Variants in CDKAL1 observed in about 807,000 individuals in gnomAD.
CDKAL1 encodes threonylcarbamoyladenosine tRNA methylthiotransferase.
In CDKAL1, 32 loss-of-function variants were observed where a neutral mutation model predicts 68.2. The observed-to-expected ratio is 0.47, with a 90% CI of 0.35 to 0.63. The LOEUF (loss-of-function observed/expected upper bound fraction) is 0.63. Ranked by LOEUF, CDKAL1 falls within the 30% of genes least tolerant of loss-of-function variation. CDKAL1 has a pLI of 0.00. For synonymous variants in CDKAL1, 234 were observed against 244.3 expected (o/e 0.96, Z 0.39); for missense variants, 606 against 696.7 (o/e 0.87, Z 1.47).
intron 9 of CDKAL1, among the ~76,000 whole-genome samples, chr6:20,899,591 C>T (rs1345031950): frequency 6.6e-6 from 1 of 152,128 alleles, no homozygotes; most frequent in Non-Finnish European, 1.5e-5. Context: ...CGCCTGTAAT[C>T]CCATAACTTT....
intron 13 of CDKAL1, among the ~76,000 whole-genome samples, chr6:21,170,665 G>C (rs1424651905): frequency 6.6e-6 from 1 of 151,940 alleles, no homozygotes; most frequent in Non-Finnish European, 1.5e-5. Context: ...TTCTTATTAA[G>C]TTTGGCATTA....
intron 9 of CDKAL1, among the ~76,000 whole-genome samples, chr6:20,891,384 C>G (rs1418219012): frequency 6.6e-6 from 1 of 152,128 alleles, no homozygotes; most frequent in Non-Finnish European, 1.5e-5. Flanking sequence ...GCAGCCTGTC[C>G]TTACTGTGAG....
chr6:20,777,628 C>T (rs984543328), intron 7 of CDKAL1, among the ~76,000 whole-genome samples: 9 of 152,016 alleles, frequency 5.9e-5, no homozygotes, highest in East Asian at 1.9e-4. Context: ...GAAAACAAAA[C>T]GGAAAAAAAC....
At chr6:21,054,899 C>T (rs1482722928) in intron 11 of CDKAL1, among the ~76,000 whole-genome samples, 1 of 142,904 alleles carries the variant, frequency 7.0e-6, no homozygotes, top group African/African-American at 2.6e-5. Context: ...TGTCACCTGC[C>T]CAAAAAAAAA....
chr6:20,965,642 G>A lies in CDKAL1; in HGVS notation c.909+10057G>A, dbSNP rs528587892. Among the ~76,000 whole-genome samples, 18 of 152,164 alleles carry A rather than the reference G, an allele frequency of 1.2e-4. No homozygotes were observed. The South Asian group carries it at 2.9e-3, about 25-fold the overall frequency. ...TTTTAGTATTCTAGTGTACACTTCC[G>A]TTTATATAGAAGAGCATTAGATATG... On this transcript the variant is annotated intron_variant, in intron 10 of 15. Transcript: ENST00000274695.
intron 15 of CDKAL1, among the ~76,000 whole-genome samples, chr6:21,219,875 T>C (rs981323850): frequency 4.6e-5 from 7 of 152,212 alleles, no homozygotes; most frequent in African/African-American, 1.7e-4. Context: ...AGATGAAGTT[T>C]AATACACCCA....
At chr6:20,603,036 G>A (rs9460530) in intron 4 of CDKAL1, among the ~76,000 whole-genome samples, 3,697 of 152,146 alleles carry the variant, frequency 0.024, 132 homozygotes, top group African/African-American at 0.078. Context: ...CACTGAGTTC[G>A]GAAACAAGGA....
chr6:21,105,025 T>G (rs1013184691), intron 12 of CDKAL1, among the ~76,000 whole-genome samples: 4 of 152,228 alleles, frequency 2.6e-5, no homozygotes, highest in African/African-American at 7.2e-5. Flanking sequence ...CATAATTTCC[T>G]TTCTAAAAAT....
intron 10 of CDKAL1, among the ~76,000 whole-genome samples, chr6:20,978,180 A>C (rs1256516594): frequency 6.6e-6 from 1 of 152,228 alleles, no homozygotes; most frequent in African/African-American, 2.4e-5. Flanking sequence ...CAGAATCCTA[A>C]AGGACATTCC....
chr6:21,044,324 T>C (rs574211828), intron 11 of CDKAL1, among the ~76,000 whole-genome samples: 1 of 152,198 alleles, frequency 6.6e-6, no homozygotes, highest in African/African-American at 2.4e-5. Context: ...TGATTCTGCT[T>C]TCTTGCCTCT....
rs70990059 is a variant in CDKAL1, at chr6:20,693,129, CAAAAAA to C, written c.371+43775_371+43780del. ...TGGGCAACAAAGCGAGACTCTGTCT[CAAAAAA>C]AAAAAAAAAAAAAAAAAAAAAAGAC... On this transcript the variant is annotated intron_variant, in intron 5 of 15. Coordinates refer to ENST00000274695, the MANE Select transcript of CDKAL1 (RefSeq NM_017774.3). Among the ~76,000 whole-genome samples, 3 of 67,620 alleles carry C rather than the reference CAAAAAA, an allele frequency of 4.4e-5. No homozygotes were observed. In the Admixed American group the frequency reaches 5.3e-4, roughly 12 times the overall value. The allele number at this position is 67,620 out of a possible 152,430, so 44.4% of individuals were successfully genotyped here. A position where few individuals can be genotyped will look rare whatever the true frequency, so the allele number is the denominator to read the frequency against.
rs146066109 is a variant in CDKAL1 at position 20,818,621 on chromosome 6, G to A, written c.639-27454G>A. 2.8e-3 allele frequency among the ~76,000 whole-genome samples: 426 copies of A among 151,768 alleles called. 1 individual carries two copies. Among genetic ancestry groups the A allele is most frequent in the African/African-American group, 9.2e-3 (381 of 41,456 alleles). ...CCAGTTGGGACATAACCTTTACAAG[G>A]CATCATTCATAATGAAAGAGTAGGT... On this transcript the variant is annotated intron_variant, in intron 8 of 15. Transcript: ENST00000274695.
At chr6:20,696,869 A>G (rs1330865021) in intron 5 of CDKAL1, among the ~76,000 whole-genome samples, 1 of 152,168 alleles carries the variant, frequency 6.6e-6, no homozygotes, top group Non-Finnish European at 1.5e-5. Context: ...AATGTTTTGT[A>G]TGACGTGTTC....
chr6:21,213,739 GTC>G (rs1440797674), intron 15 of CDKAL1, among the ~76,000 whole-genome samples: 1 of 152,128 alleles, frequency 6.6e-6, no homozygotes, highest in African/African-American at 2.4e-5. Flanking sequence ...TGCCTAACGA[GTC>G]TCCCTGTTTC....
At position 20,539,247 on chromosome 6, in the gene CDKAL1, T is replaced by C. The variant is rs1225963386; in HGVS notation, c.-6+3853T>C. On this transcript the variant is annotated intron_variant, in intron 2 of 15. Transcript: ENST00000274695. This position sits in a 1 kb window ranked among gnomAD's most constrained non-coding sequence, Gnocchi z 4.3. ...TAATTTGGCATACTCAGAATATCTATATCCATATATTGCCCGACTGTGTAG... is the reference window on the plus strand; with the variant it reads ...TAATTTGGCATACTCAGAATATCTACATCCATATATTGCCCGACTGTGTAG... 6.6e-6 allele frequency among the ~76,000 whole-genome samples: 1 copy of C among 152,222 alleles called. No individual in the cohort carries two copies. Among genetic ancestry groups the C allele is most frequent in the East Asian group, 1.9e-4 (1 of 5,204 alleles).
At chr6:20,670,141 A>G (rs1171656862) in intron 5 of CDKAL1, among the ~76,000 whole-genome samples, 1 of 152,180 alleles carries the variant, frequency 6.6e-6, no homozygotes, top group Non-Finnish European at 1.5e-5. Flanking sequence ...TTAATCATAT[A>G]CAGTGGTTTC....
intron 13 of CDKAL1, among the ~76,000 whole-genome samples, chr6:21,136,995 G>A (rs552601667): frequency 6.6e-6 from 1 of 152,100 alleles, no homozygotes; most frequent in African/African-American, 2.4e-5. Context: ...TGACAGCCCC[G>A]ACCAGCGTCT....
chr6:20,623,211 C>T (rs1767276559), intron 4 of CDKAL1, among the ~76,000 whole-genome samples: 1 of 151,968 alleles, frequency 6.6e-6, no homozygotes, highest in Non-Finnish European at 1.5e-5. Flanking sequence ...TTAGTAACAA[C>T]AGATAAAGAG....
intron 13 of CDKAL1, among the ~76,000 whole-genome samples, chr6:21,119,356 A>G (rs1246171296): frequency 2.0e-5 from 3 of 152,220 alleles, no homozygotes; most frequent in South Asian, 4.1e-4. Flanking sequence ...CAGCTCTGCC[A>G]CTAGTACTCA....
Sources: gnomAD v4.1 joint callset for allele counts (sites outside exome capture counted in the v4.1 genomes callset) on GRCh38, gnomAD v4.1.1 for gene constraint, Gnocchi (gnomAD v3.1) non-coding constraint, MANE v1.5 for transcripts, NCBI Gene and HGNC (gene_info 2026-07-23, HGNC 2026-07-21) for gene names.